The following METTL8 variants were observed in gnomAD, a reference collection of about 807,000 sequenced individuals.
METTL8 encodes the protein methyltransferase 8, tRNA N3-cytidine.
In METTL8, 32 loss-of-function variants were observed where a neutral mutation model predicts 48.7. The observed-to-expected ratio is 0.66, with a 90% confidence interval of 0.50 to 0.88. The LOEUF is 0.88. Among genes scored for constraint, METTL8 ranks in the 40% least tolerant of loss-of-function variants. The pLI is 0.00. For missense variants in METTL8, 464 were observed against 474.4 expected, an observed-to-expected ratio of 0.98 and a Z score of 0.20; for synonymous variants, 136 against 157.1, an observed-to-expected ratio of 0.87 and a Z score of 1.01.
intron 2 of METTL8, among the ~76,000 whole-genome samples, chr2:171,369,167 A>AT (rs2105495347): frequency 6.6e-6 from 1 of 151,794 alleles, no homozygotes; most frequent in African/African-American, 2.4e-5. Context: ...TTAGCCGGGC[A>AT]TGGTGGCAGT....
At chr2:171,366,818 C>T (rs969259473) in intron 2 of METTL8, among the ~76,000 whole-genome samples, 6 of 145,604 alleles carry the variant, frequency 4.1e-5, no homozygotes, top group Non-Finnish European at 7.4e-5. Flanking sequence ...CGCTTGAGTA[C>T]GGGAAGTTGA....
intron 7 of METTL8, among the ~76,000 whole-genome samples, chr2:171,328,096 G>A (rs1458367901): frequency 1.3e-5 from 2 of 152,148 alleles, no homozygotes; most frequent in East Asian, 3.9e-4. Flanking sequence ...CAATTCCTGA[G>A]AACTGCAGGT....
chr2:171,426,671 G>A (rs577436772), intron 1 of METTL8, among the ~76,000 whole-genome samples: 2 of 152,272 alleles, frequency 1.3e-5, no homozygotes, highest in African/African-American at 4.8e-5. Flanking sequence ...TTAATATACT[G>A]TGTGTTCAGA....
chr2:171,380,222 T>A (rs1161143533), intron 2 of METTL8, among the ~76,000 whole-genome samples: 3 of 152,152 alleles, frequency 2.0e-5, no homozygotes, highest in Non-Finnish European at 4.4e-5. Flanking sequence ...AAACTCTCAA[T>A]GAACTAGGCA....
intron 3 of METTL8, among the ~76,000 whole-genome samples, chr2:171,351,559 G>A (rs1683925546): frequency 6.6e-6 from 1 of 152,148 alleles, no homozygotes; most frequent in African/African-American, 2.4e-5. Flanking sequence ...TGGGCAGTAT[G>A]GCCATTTTCA....
At chr2:171,407,616 C>A (rs983416841) in intron 1 of METTL8, among the ~76,000 whole-genome samples, 5 of 152,192 alleles carry the variant, frequency 3.3e-5, no homozygotes, top group African/African-American at 1.2e-4. Flanking sequence ...TTCTGAAAGT[C>A]ATTATAATAG....
chr2:171,396,621 C>T (rs957787949), intron 1 of METTL8, among the ~76,000 whole-genome samples: 2 of 152,008 alleles, frequency 1.3e-5, no homozygotes, highest in African/African-American at 4.8e-5. Flanking sequence ...AAGATAGCTA[C>T]AAAAATTTCC....
chr2:171,424,108 C>A (rs949984992), intron 1 of METTL8, among the ~76,000 whole-genome samples: 3 of 152,200 alleles, frequency 2.0e-5, no homozygotes, highest in Non-Finnish European at 4.4e-5. Context: ...GCAGCTTCCA[C>A]GTGTTATTGG....
At chr2:171,371,529 G>C (rs1479175368) in intron 2 of METTL8, among the ~76,000 whole-genome samples, 2 of 151,656 alleles carry the variant, frequency 1.3e-5, no homozygotes, top group African/African-American at 4.8e-5. Flanking sequence ...GCCAATTTTT[G>C]TATTTTTAGT....
At position 171,319,079 on chromosome 2, in the gene METTL8, T is replaced by A. The variant is rs1303357368; in HGVS notation, c.*5093A>T. On this transcript the variant is annotated 3_prime_UTR_variant, in exon 10 of 10. Coordinates refer to ENST00000375258, the MANE Select transcript of METTL8 (RefSeq NM_001321154.2). The stretch of plus-strand genomic sequence containing the variant: ...TAGGAACTAGGACCCATGCTTCCTG[T>A]TTGACTCTGAGGCAACACTTTTTTC... 1 of 152,172 alleles carries A rather than the reference T, an allele frequency of 6.6e-6. No individual in the cohort carries two copies. Among genetic ancestry groups the A allele is most frequent in the Non-Finnish European group, 1.5e-5 (1 of 68,036 alleles). 9.4% of individuals were successfully genotyped at this position (152,172 alleles called of 1,614,324 possible).
chr2:171,337,344 TATAAGA>T, intron 5 of METTL8, 103 bp downstream of exon 5: 2 of 684,670 alleles, frequency 2.9e-6, no homozygotes, highest in Non-Finnish European at 4.7e-6. Context: ...CCATTGTTCA[TATAAGA>T]ATTAGAAACA....
intron 3 of METTL8, among the ~76,000 whole-genome samples, chr2:171,351,987 C>T (rs982846490): frequency 6.6e-6 from 1 of 152,152 alleles, no homozygotes; most frequent in African/African-American, 2.4e-5. Context: ...CCAGAACTTC[C>T]AACACTATGT....
chr2:171,383,638 G>A (rs1337070812), intron 2 of METTL8, among the ~76,000 whole-genome samples: 1 of 152,122 alleles, frequency 6.6e-6, no homozygotes, highest in African/African-American at 2.4e-5. Context: ...ACTTATAAAT[G>A]GCCGAGATCC....
chr2:171,430,341 G>C (rs937530856), intron 1 of METTL8, among the ~76,000 whole-genome samples: 1 of 151,748 alleles, frequency 6.6e-6, no homozygotes, highest in Non-Finnish European at 1.5e-5. Flanking sequence ...CTGGACAACA[G>C]AGCAAGACTC....
At chr2:171,369,733 G>A (rs753950401) in intron 2 of METTL8, among the ~76,000 whole-genome samples, 10 of 152,028 alleles carry the variant, frequency 6.6e-5, no homozygotes, top group Admixed American at 1.3e-4. Flanking sequence ...AAAGATGTAT[G>A]GCTAAATGCC....
At chr2:171,426,443 A>G (rs962715308) in intron 1 of METTL8, among the ~76,000 whole-genome samples, 3 of 152,264 alleles carry the variant, frequency 2.0e-5, no homozygotes, top group African/African-American at 7.2e-5. Context: ...AAGAGATGTC[A>G]AAGTTTTAGG....
intron 3 of METTL8, among the ~76,000 whole-genome samples, chr2:171,341,140 CA>C (rs2105424096): frequency 1.3e-5 from 2 of 151,860 alleles, no homozygotes; most frequent in African/African-American, 4.8e-5. Flanking sequence ...CCAGCCTGAC[CA>C]ACATGGTGAA....
intron 2 of METTL8, among the ~76,000 whole-genome samples, chr2:171,389,514 C>CAAAA (rs56087323): frequency 2.1e-4 from 11 of 52,030 alleles, no homozygotes; most frequent in African/African-American, 3.6e-4. Context: ...CCCTGTCTCA[C>CAAAA]AAAAAAAAAA....
At chr2:171,343,479 TA>T (rs1686982902) in intron 3 of METTL8, among the ~76,000 whole-genome samples, 1 of 150,476 alleles carries the variant, frequency 6.6e-6, no homozygotes, top group African/African-American at 2.5e-5. Context: ...AATAAAATAA[TA>T]AAGGAAAATA....
Sources: gnomAD v4.1 joint callset for allele counts (sites outside exome capture counted in the v4.1 genomes callset) on GRCh38, gnomAD v4.1.1 for gene constraint, MANE v1.5 for transcripts, NCBI Gene and HGNC (gene_info 2026-07-23, HGNC 2026-07-21) for gene names.